VAT1L: variants seen among roughly 807,000 people sequenced by gnomAD.
VAT1L encodes the protein vesicle amine transport 1 like, also known as putative NADPH-dependent quinone oxidoreductase VAT1L.
A neutral mutation model predicts 44.1 loss-of-function variants in VAT1L; 34 were observed. That is an observed-to-expected ratio of 0.77 (90% confidence interval 0.59 to 1.03). The LOEUF is 1.03. VAT1L is among the 50% of genes least tolerant of loss of function. The pLI is 0.00. For synonymous variants in VAT1L, 253 were observed against 202.2 expected (o/e 1.25, Z -2.13); for missense variants, 615 against 538.8 (o/e 1.14, Z -1.40).
Position 77,797,954 on chromosome 16 carries a change from C to T in VAT1L, c.233+9039C>T, listed in dbSNP as rs529972367. 1.3e-3 allele frequency among the ~76,000 whole-genome samples: 191 copies of T among 152,246 alleles called. No homozygotes were observed. The Middle Eastern group carries it at 0.02, about 16-fold the overall frequency. ...TGAGTGAATTTTATGTCTGAAGGCC[C>T]AGGAGACAAAATAGATGTTCCAGTG... On this transcript the variant is annotated intron_variant, in intron 1 of 8. Coordinates refer to ENST00000302536, the MANE Select transcript of VAT1L (RefSeq NM_020927.3).
chr16:77,949,562 G>A (rs951198488), intron 7 of VAT1L, among the ~76,000 whole-genome samples: 1 of 152,194 alleles, frequency 6.6e-6, no homozygotes, highest in East Asian at 1.9e-4. Context: ...CTGCAGGAAT[G>A]GAGAGTGAAT....
intron 7 of VAT1L, among the ~76,000 whole-genome samples, chr16:77,928,033 T>C (rs1168630050): frequency 6.6e-6 from 1 of 152,172 alleles, no homozygotes; most frequent in African/African-American, 2.4e-5. Flanking sequence ...TTCCATACAA[T>C]ATCAGAATAA....
intron 8 of VAT1L, among the ~76,000 whole-genome samples, chr16:77,975,223 T>G (rs2018324709): frequency 8.1e-6 from 1 of 123,600 alleles, no homozygotes; most frequent in Non-Finnish European, 1.6e-5. Flanking sequence ...TTTTTTTTTT[T>G]TTTTTAAAGA....
chr16:77,829,779 TCA>T (rs1437918122), intron 3 of VAT1L, among the ~76,000 whole-genome samples: 1 of 152,208 alleles, frequency 6.6e-6, no homozygotes, highest in Non-Finnish European at 1.5e-5. Flanking sequence ...CCGGGTGTGC[TCA>T]GTTTCTGGAG....
At chr16:77,802,698 A>G (rs2016085851) in intron 1 of VAT1L, among the ~76,000 whole-genome samples, 1 of 151,680 alleles carries the variant, frequency 6.6e-6, no homozygotes, top group South Asian at 2.1e-4. Context: ...TGGCACGGAC[A>G]AAACTTCTCA....
intron 6 of VAT1L, among the ~76,000 whole-genome samples, chr16:77,883,002 G>A (rs775646631): frequency 3.9e-5 from 6 of 152,066 alleles, no homozygotes; most frequent in Non-Finnish European, 8.8e-5. Flanking sequence ...ATGTGCTTTT[G>A]TAAATAATTT....
At chr16:77,869,788 G>A (rs1481545009) in intron 4 of VAT1L, among the ~76,000 whole-genome samples, 1 of 152,218 alleles carries the variant, frequency 6.6e-6, no homozygotes, top group African/African-American at 2.4e-5. Context: ...AAAGCCCACA[G>A]AGGAAGGAAT....
chr16:77,841,087 TTTTG>T (rs2016699730), intron 3 of VAT1L, among the ~76,000 whole-genome samples: 1 of 152,196 alleles, frequency 6.6e-6, no homozygotes, highest in Non-Finnish European at 1.5e-5. Flanking sequence ...CATGTCATTT[TTTTG>T]TTTGTTTGAG....
intron 8 of VAT1L, among the ~76,000 whole-genome samples, chr16:77,976,862 A>G (rs2018346254): frequency 6.6e-6 from 1 of 152,230 alleles, no homozygotes; most frequent in Non-Finnish European, 1.5e-5. Flanking sequence ...GTCAGGCAAA[A>G]TCCCTGTCTT....
At chr16:77,905,946 T>C (rs1334716899) in intron 7 of VAT1L, among the ~76,000 whole-genome samples, 2 of 152,168 alleles carry the variant, frequency 1.3e-5, no homozygotes, top group East Asian at 1.9e-4. Context: ...CCTTGACTAA[T>C]TTTTTTAGGT....
chr16:77,955,303 G>A (rs142000894), intron 7 of VAT1L, among the ~76,000 whole-genome samples: 49 of 152,364 alleles, frequency 3.2e-4, no homozygotes, highest in African/African-American at 1.1e-3. Flanking sequence ...CAACGGGGTA[G>A]CGCTACTGAC....
chr16:77,968,837 T>A (rs904948962), intron 7 of VAT1L, among the ~76,000 whole-genome samples: 2 of 152,062 alleles, frequency 1.3e-5, no homozygotes, highest in South Asian at 2.1e-4. Context: ...CTTTTTTTTT[T>A]AAAGACAGTC....
Position 77,879,862 on chromosome 16 carries a change from C to T in VAT1L, c.882+638C>T, listed in dbSNP as rs1309280986. Reference sequence around the variant, plus strand: ...CATTTTCTTTGCTCCATAGAGCGGCCAGCCTTTCACTTTGCTACTTTCTGA... The same window carrying T: ...CATTTTCTTTGCTCCATAGAGCGGCTAGCCTTTCACTTTGCTACTTTCTGA... On this transcript the variant is annotated intron_variant, in intron 6 of 8. Coordinates refer to ENST00000302536, the MANE Select transcript of VAT1L (RefSeq NM_020927.3). This position sits in a 1 kb window ranked among gnomAD's most constrained non-coding sequence, Gnocchi z 4.1. 3.3e-5 allele frequency among the ~76,000 whole-genome samples: 5 copies of T among 152,140 alleles called. No homozygotes were observed. The highest frequency in any genetic ancestry group is 7.4e-5 in the Non-Finnish European group (5 of 68,020).
chr16:77,893,387 G>A (rs1434727025), intron 7 of VAT1L, among the ~76,000 whole-genome samples: 1 of 152,240 alleles, frequency 6.6e-6, no homozygotes, highest in African/African-American at 2.4e-5. Flanking sequence ...TAAGCTGGGA[G>A]GTCAGGAACA....
At chr16:77,929,599 G>T (rs143071653) in intron 7 of VAT1L, among the ~76,000 whole-genome samples, 1 of 152,194 alleles carries the variant, frequency 6.6e-6, no homozygotes, top group Non-Finnish European at 1.5e-5. Flanking sequence ...ACATTTTCAG[G>T]ACGGAGAGGG....
chr16:77,908,361 C>G (rs1446877206), intron 7 of VAT1L, among the ~76,000 whole-genome samples: 1 of 144,422 alleles, frequency 6.9e-6, no homozygotes. Context: ...ACTTGGGAGG[C>G]TGAGGCAGGA....
chr16:77,908,084 C>A (rs1297830259), intron 7 of VAT1L, among the ~76,000 whole-genome samples: 1 of 151,908 alleles, frequency 6.6e-6, no homozygotes, highest in Non-Finnish European at 1.5e-5. Context: ...ACTAAAAATA[C>A]AAAAATCAGC....
chr16:77,810,484 G>GACCTC (rs2016245590), intron 1 of VAT1L, among the ~76,000 whole-genome samples: 1 of 152,132 alleles, frequency 6.6e-6, no homozygotes, highest in South Asian at 2.1e-4. Flanking sequence ...GTACTCAGAG[G>GACCTC]TTAAGATGAA....
intron 3 of VAT1L, among the ~76,000 whole-genome samples, chr16:77,836,438 C>T (rs1231728707): frequency 5.9e-5 from 9 of 152,206 alleles, no homozygotes; most frequent in East Asian, 1.9e-4. Flanking sequence ...ATAATCAAAG[C>T]GATGAGGATT....
Sources: allele counts gnomAD v4.1 joint callset (sites outside exome capture counted in the v4.1 genomes callset), GRCh38; gene constraint gnomAD v4.1.1; non-coding constraint Gnocchi (gnomAD v3.1); transcripts MANE v1.5; gene names NCBI Gene and HGNC (gene_info 2026-07-23, HGNC 2026-07-21).